LRBA: variants seen among roughly 807,000 people sequenced by gnomAD.
The protein encoded by LRBA is lipopolysaccharide-responsive and beige-like anchor protein.
Under a neutral mutation model 330.0 loss-of-function variants are expected in LRBA, and 176 were observed. That is an observed-to-expected ratio of 0.53 (90% CI 0.47 to 0.60). The LOEUF (loss-of-function observed/expected upper bound fraction) is 0.60. LRBA is among the 20% of genes least tolerant of loss of function. The pLI, the probability that LRBA is intolerant of heterozygous loss-of-function variation, is 0.00. For missense variants in LRBA, 3,259 were observed against 3,444.8 expected (o/e 0.95, Z 1.35); for synonymous variants, 1,230 against 1,193.0 (o/e 1.03, Z -0.64).
chr4:150,316,983 TC>T (rs1731803891), intron 50 of LRBA, among the ~76,000 whole-genome samples: 1 of 152,100 alleles, frequency 6.6e-6, no homozygotes, highest in Non-Finnish European at 1.5e-5. Context: ...ATATGAGTGC[TC>T]CTGGAACGGT....
At chr4:150,320,790 G>C (rs1351083459) in intron 50 of LRBA, among the ~76,000 whole-genome samples, 1 of 152,152 alleles carries the variant, frequency 6.6e-6, no homozygotes. Flanking sequence ...CTGAGTGACA[G>C]AGCAAGGCCT....
chr4:150,727,787 T>C (rs1203987756), intron 36 of LRBA, among the ~76,000 whole-genome samples: 3 of 151,952 alleles, frequency 2.0e-5, no homozygotes, highest in Admixed American at 2.0e-4. Context: ...ATAAATAACC[T>C]AATAATGCAT....
chr4:150,714,582 CA>C (rs1224924013), intron 36 of LRBA, among the ~76,000 whole-genome samples: 1 of 152,060 alleles, frequency 6.6e-6, no homozygotes. Context: ...TATTGTACAA[CA>C]TGGTGACTCT....
chr4:150,489,728 A>G (rs901442445), intron 41 of LRBA, among the ~76,000 whole-genome samples: 113 of 133,838 alleles, frequency 8.4e-4, no homozygotes, highest in Admixed American at 2.2e-3. Context: ...AATATATAAT[A>G]TATAATAATT....
intron 37 of LRBA, chr4:150,679,528 G>T (rs1238206581): frequency 6.6e-6 from 1 of 152,000 alleles, no homozygotes; most frequent in African/African-American, 2.4e-5. Context: ...TCATCTTTCT[G>T]AAAGAAGGAA....
chr4:150,623,504 AAGTT>A lies in LRBA; in HGVS notation c.5922-24377_5922-24374del, dbSNP rs528973581. ...TAAAATAGCATTGAATATAAGAAAA[AAGTT>A]AGTAGCTAATATACTATACACAGCA... On this transcript the variant is annotated intron_variant, in intron 37 of 56. Transcript: ENST00000651943. Among the ~76,000 whole-genome samples the A allele has an allele frequency of 1.8e-3, 278 of 152,294 alleles. 1 individual carries two copies. Among genetic ancestry groups the A allele is most frequent in the African/African-American group, 6.4e-3 (268 of 41,560 alleles).
intron 17 of LRBA, among the ~76,000 whole-genome samples, 182 bp from the exon 18 acceptor site, chr4:150,872,937 T>C (rs1446441373): frequency 2.0e-5 from 3 of 152,122 alleles, no homozygotes; most frequent in Non-Finnish European, 4.4e-5. Context: ...CAATGAAAAC[T>C]AAGAAATGAG....
At chr4:150,939,213 C>T (rs1735417768) in intron 2 of LRBA, among the ~76,000 whole-genome samples, 1 of 152,108 alleles carries the variant, frequency 6.6e-6, no homozygotes, top group Non-Finnish European at 1.5e-5. Flanking sequence ...TTCTTAACCT[C>T]CAGTGCTTCA....
chr4:150,972,680 T>C (rs771251235), intron 2 of LRBA, among the ~76,000 whole-genome samples: 1 of 152,216 alleles, frequency 6.6e-6, no homozygotes. Flanking sequence ...AAGAAAAACA[T>C]GTACTACTTT....
intron 28 of LRBA, among the ~76,000 whole-genome samples, chr4:150,837,344 T>A (rs1255926667): frequency 6.6e-6 from 1 of 152,186 alleles, no homozygotes; most frequent in Non-Finnish European, 1.5e-5. Context: ...AATTCCTGGG[T>A]ATCCTTGTTA....
chr4:150,839,914 T>C (rs1034289023), intron 28 of LRBA, among the ~76,000 whole-genome samples: 16 of 152,276 alleles, frequency 1.1e-4, no homozygotes, highest in Admixed American at 1.0e-3. Context: ...TTGTCCACAT[T>C]GAAAATCTGT....
intron 47 of LRBA, among the ~76,000 whole-genome samples, chr4:150,401,995 A>T (rs1245816668): frequency 6.6e-6 from 1 of 152,036 alleles, no homozygotes; most frequent in Non-Finnish European, 1.5e-5. Flanking sequence ...ACCTGAGAAA[A>T]GTGTATAAGA....
intron 40 of LRBA, among the ~76,000 whole-genome samples, chr4:150,568,722 T>A (rs954153643): frequency 6.6e-6 from 1 of 152,168 alleles, no homozygotes; most frequent in African/African-American, 2.4e-5. Flanking sequence ...ATTTATTACA[T>A]TTTAGATATA....
chr4:150,549,338 T>A (rs1299195498), intron 40 of LRBA, among the ~76,000 whole-genome samples: 4 of 151,352 alleles, frequency 2.6e-5, no homozygotes, highest in Non-Finnish European at 2.9e-5. Context: ...ATTTTATTTT[T>A]TTATTTTTTT....
At chr4:150,881,718 G>A (rs1728412313) in intron 17 of LRBA, among the ~76,000 whole-genome samples, 1 of 152,170 alleles carries the variant, frequency 6.6e-6, no homozygotes, top group Non-Finnish European at 1.5e-5. Flanking sequence ...AATAAAAACT[G>A]TAACACACTA....
At position 150,984,997 on chromosome 4, in the gene LRBA, C is replaced by A. The variant is rs571216406; in HGVS notation, c.216+29430G>T. ...GTCTTAAAAAGCACGGTGGCTCATG[C>A]CCGTAATCCCAGTACTTTGGGAGGC... On this transcript the variant is annotated intron_variant, in intron 2 of 56. Transcript: ENST00000651943. Among the ~76,000 whole-genome samples, 10 of 152,284 alleles carry A rather than the reference C, an allele frequency of 6.6e-5. No homozygotes were observed. In the South Asian group the frequency reaches 2.1e-3, roughly 32 times the overall value.
chr4:151,007,397 T>A (rs551053461), intron 2 of LRBA, among the ~76,000 whole-genome samples: 1 of 150,246 alleles, frequency 6.7e-6, no homozygotes, highest in Non-Finnish European at 1.5e-5. Flanking sequence ...CCCAGCTACT[T>A]GGGAGGCTGA....
At chr4:150,761,910 CAA>C in intron 34 of LRBA, 63 bp from the exon 35 acceptor site, 1 of 835,314 alleles carries the variant, frequency 1.2e-6, no homozygotes, top group Non-Finnish European at 1.9e-6. Context: ...TCTTTTAAAA[CAA>C]TAATAATGAA....
intron 47 of LRBA, among the ~76,000 whole-genome samples, chr4:150,356,111 C>A (rs1457838399): frequency 2.6e-5 from 4 of 151,902 alleles, no homozygotes; most frequent in African/African-American, 9.7e-5. Context: ...AATTTTCCTG[C>A]TAAATATATG....
Sources: allele counts gnomAD v4.1 joint callset (sites outside exome capture counted in the v4.1 genomes callset), GRCh38; gene constraint gnomAD v4.1.1; transcripts MANE v1.5; gene names NCBI Gene and HGNC (gene_info 2026-07-23, HGNC 2026-07-21).